UNC80: variants seen among roughly 807,000 people sequenced by gnomAD.
UNC80 encodes the protein protein unc-80 homolog.
Under a neutral mutation model 384.6 loss-of-function variants are expected in UNC80, and 164 were observed. The observed-to-expected ratio is 0.43, with a 90% CI of 0.38 to 0.49. The LOEUF (loss-of-function observed/expected upper bound fraction) is 0.49, where lower values mean the gene tolerates loss of function less well. UNC80 is among the 20% of genes least tolerant of loss of function. UNC80 has a pLI of 0.00. For synonymous variants in UNC80, 1,486 were observed against 1,527.8 expected, an observed-to-expected ratio of 0.97 and a Z score of 0.64; for missense variants, 3,330 against 4,143.0, an observed-to-expected ratio of 0.80 and a Z score of 5.39.
chr2:209,806,026 T>C (rs1488471438), intron 7 of UNC80, among the ~76,000 whole-genome samples: 3 of 152,226 alleles, frequency 2.0e-5, no homozygotes, highest in Non-Finnish European at 2.9e-5. Flanking sequence ...GTCCACTAAT[T>C]CTGTTTTATA....
At chr2:209,870,669 C>T (rs567758838) in intron 22 of UNC80, among the ~76,000 whole-genome samples, 1 of 152,154 alleles carries the variant, frequency 6.6e-6, no homozygotes, top group East Asian at 1.9e-4. Flanking sequence ...AATTAAGTAC[C>T]TACATAAATA....
rs867834881 is a variant in UNC80, at chr2:209,771,848, T to C, written c.-225T>C. 3 of 540,190 alleles carry C rather than the reference T, an allele frequency of 5.6e-6. No individual in the cohort carries two copies. The highest frequency in any genetic ancestry group is 6.8e-6 in the Non-Finnish European group (2 of 293,944). 33.5% of individuals were successfully genotyped at this position (540,190 alleles called of 1,614,324 possible). A position where few individuals can be genotyped will look rare whatever the true frequency, so the allele number is the denominator to read the frequency against. ...CGGACCGCTGCTCCGAGCGCCCCCC[T>C]CCTCGCTCCGCGGCTCCTCCAGCCC... On this transcript the variant is annotated 5_prime_UTR_variant, in exon 1 of 65. Transcript: ENST00000673920.
intron 45 of UNC80, among the ~76,000 whole-genome samples, chr2:209,944,152 T>C (rs1265391615): frequency 6.6e-6 from 1 of 152,212 alleles, no homozygotes; most frequent in Non-Finnish European, 1.5e-5. Context: ...TCAACATTCC[T>C]CTTCAGCTTT....
At chr2:209,808,767 T>TACTGCGCTACTCAGCGACCTCGTTGCC in intron 7 of UNC80, 1 of 59,214 alleles carries the variant, frequency 1.7e-5, no homozygotes. Flanking sequence ...CCTGCGCTAC[T>TACTGCGCTACTCAGCGACCTCGTTGCC]TCTGCGCTAC....
chr2:209,878,168 T>C, intron 24 of UNC80, 79 bp downstream of exon 24: 1 of 1,345,006 alleles, frequency 7.4e-7, no homozygotes, highest in Non-Finnish European at 9.7e-7. Flanking sequence ...TTCTCTTTTC[T>C]CCTTCATATT....
At chr2:209,776,303 TG>T (rs2076859742) in intron 3 of UNC80, among the ~76,000 whole-genome samples, 1 of 152,206 alleles carries the variant, frequency 6.6e-6, no homozygotes, top group African/African-American at 2.4e-5. Flanking sequence ...TAAGATAGGC[TG>T]GGTGTGGTGG....
chr2:209,922,186 A>G, intron 34 of UNC80, 66 bp from the exon 35 acceptor site: 1 of 1,525,518 alleles, frequency 6.6e-7, no homozygotes, highest in Non-Finnish European at 8.9e-7. Context: ...TGATACAACA[A>G]CAATGTGATA....
At chr2:209,869,709 A>G (rs2084135570) in intron 22 of UNC80, among the ~76,000 whole-genome samples, 1 of 152,130 alleles carries the variant, frequency 6.6e-6, no homozygotes, top group South Asian at 2.1e-4. Context: ...GGGTTTGGCT[A>G]TTTACATGCA....
intron 39 of UNC80, among the ~76,000 whole-genome samples, 191 bp from the exon 40 acceptor site, chr2:209,935,523 A>G (rs1227751825): frequency 6.6e-6 from 1 of 152,040 alleles, no homozygotes; most frequent in Admixed American, 6.6e-5. Flanking sequence ...AAGTGAATAT[A>G]TTTAAAATAT....
Position 209,995,579 on chromosome 2 carries a change from A to G in UNC80, c.9959A>G (p.Asp3320Gly). The stretch of plus-strand genomic sequence containing the variant: ...CTGGGGAAAACGGATGCAGTATTAG[A>G]TGAGTCTCATGTTTAATTCTGTATC... The part of the protein sequence containing the change: ...TELGKTDAVL[D>G]ESHV The change falls in exon 65 of 65, where the codon GAT (aspartate) becomes GGT (glycine). Residue 3320 changes from aspartate (D) to glycine (G), a missense_variant. Asp to Gly is a moderately conservative substitution (Grantham distance 94). Coordinates refer to ENST00000673920, the MANE Select transcript of UNC80 (RefSeq NM_001371986.1). The G allele has an allele frequency of 1.3e-6, 2 of 1,552,046 alleles. No homozygotes were observed. Among genetic ancestry groups the G allele is most frequent in the Non-Finnish European group, 1.7e-6 (2 of 1,147,068 alleles).
At chr2:209,829,143 T>G in intron 14 of UNC80, 89 bp from the exon 15 acceptor site, 3 of 1,477,712 alleles carry the variant, frequency 2.0e-6, no homozygotes, top group Non-Finnish European at 2.7e-6. Context: ...TGGAAACCCT[T>G]GCCTTCTGAA....
chr2:209,970,954 A>G lies in UNC80; in HGVS notation c.8253A>G (p.Ile2751Met). Residue 2751 changes from isoleucine to methionine, a missense_variant, in exon 54 of 65, where the codon ATA becomes ATG. By Grantham distance (10) the Ile-to-Met change is conservative. This residue lies in a region of UNC80 where 1,049 missense variants were observed against 1,488.6 expected (regional missense o/e 0.70). Transcript: ENST00000673920. ...TTGTCCGGCTTGTAGCATTGCAGATACAGGTGTGACTGCCTTACCTGTTTG... is the reference window on the plus strand; with the variant it reads ...TTGTCCGGCTTGTAGCATTGCAGATGCAGGTGTGACTGCCTTACCTGTTTG... Reference protein sequence around the residue: ...TAVVRLVALQIQALKEDFPLS... With the variant: ...TAVVRLVALQMQALKEDFPLS... 1 of 1,551,386 alleles carries G rather than the reference A, an allele frequency of 6.4e-7. No individual in the cohort carries two copies. The highest frequency in any genetic ancestry group is 8.7e-7 in the Non-Finnish European group (1 of 1,146,822).
Position 209,820,695 on chromosome 2 carries a change from CT to C in UNC80, c.2331+18del. 6.6e-7 allele frequency: 1 copy of C among 1,503,772 alleles called. No individual in the cohort carries two copies. Among genetic ancestry groups the C allele is most frequent in the East Asian group, 2.5e-5 (1 of 40,574 alleles). The allele number at this position is 1,503,772 out of a possible 1,614,324, so 93.2% of individuals were successfully genotyped here. A position where few individuals can be genotyped will look rare whatever the true frequency, so the allele number is the denominator to read the frequency against. ...CCAAGAGAAGGTATGACTGAACCAC[CT>C]TATGTGTCCTCATGAAATGTCATAC... On this transcript the variant is annotated intron_variant, in intron 13 of 64. Transcript: ENST00000673920.
intron 14 of UNC80, among the ~76,000 whole-genome samples, chr2:209,827,616 A>G (rs984940126): frequency 5.9e-5 from 9 of 152,076 alleles, no homozygotes; most frequent in Non-Finnish European, 1.2e-4. Context: ...TTGATATTAT[A>G]TTTGCTTATT....
intron 22 of UNC80, among the ~76,000 whole-genome samples, chr2:209,865,550 C>A (rs1440745040): frequency 6.7e-6 from 1 of 149,222 alleles, no homozygotes; most frequent in Non-Finnish European, 1.5e-5. Context: ...TGCAGTGAGC[C>A]GAGATCCCGC....
chr2:209,873,130 C>T (rs1316111369), intron 23 of UNC80, among the ~76,000 whole-genome samples, 160 bp downstream of exon 23: 2 of 152,064 alleles, frequency 1.3e-5, no homozygotes, highest in African/African-American at 4.8e-5. Flanking sequence ...CTCATTTAAT[C>T]GTCCCAATAA....
rs2079994060 is a variant in UNC80 at position 209,819,573 on chromosome 2, G to C, written c.1962+312G>C. Among the ~76,000 whole-genome samples, 3 of 151,244 alleles carry C rather than the reference G, an allele frequency of 2.0e-5. No homozygotes were observed. In the South Asian group the frequency reaches 6.3e-4, roughly 32 times the overall value. ...AATAAGTCTGTTATGTCTAGAATGA[G>C]GGCAAAAAAATTCTTCACTTATTTT... On this transcript the variant is annotated intron_variant, in intron 12 of 64. Coordinates refer to ENST00000673920, the MANE Select transcript of UNC80 (RefSeq NM_001371986.1).
chr2:209,969,964 A>T, intron 53 of UNC80, 73 bp downstream of exon 53: 1 of 1,520,750 alleles, frequency 6.6e-7, no homozygotes, highest in Non-Finnish European at 8.9e-7. Flanking sequence ...TGAATTGAAG[A>T]TTTACAGGTC....
At chr2:209,907,620 A>G (rs1193397825) in intron 29 of UNC80, among the ~76,000 whole-genome samples, 1 of 152,186 alleles carries the variant, frequency 6.6e-6, no homozygotes, top group African/African-American at 2.4e-5. Flanking sequence ...GTGATGCATG[A>G]TGAAGCTGCA....
Sources: gnomAD v4.1 joint callset for allele counts (sites outside exome capture counted in the v4.1 genomes callset) on GRCh38, gnomAD v4.1.1 for gene constraint, gnomAD v4.1.1 regional missense constraint, MANE v1.5 for transcripts, NCBI Gene and HGNC (gene_info 2026-07-23, HGNC 2026-07-21) for gene names.